ACAP1: variants seen among roughly 807,000 people sequenced by gnomAD.
ACAP1 encodes the protein arf-GAP with coiled-coil, ANK repeat and PH domain-containing protein 1.
A neutral mutation model predicts 98.8 loss-of-function variants in ACAP1; 45 were observed. The ratio of observed to expected loss-of-function variants is 0.46; its 90% CI spans 0.36 to 0.58. The LOEUF (loss-of-function observed/expected upper bound fraction) is 0.58, where lower values mean the gene tolerates loss of function less well. Ranked by LOEUF, ACAP1 falls within the 20% of genes least tolerant of loss-of-function variation. ACAP1 has a pLI of 0.00. For missense variants in ACAP1, 735 were observed against 971.4 expected (o/e 0.76, Z 3.24); for synonymous variants, 362 against 375.3 (o/e 0.96, Z 0.41).
intron 2 of ACAP1, among the ~76,000 whole-genome samples, chr17:7,340,493 A>G (rs955265188): frequency 6.6e-6 from 1 of 152,208 alleles, no homozygotes; most frequent in Admixed American, 6.5e-5. Context: ...TCACACAGTG[A>G]TTTGTGAACA....
In ACAP1 at chr17:7,343,270, TC is replaced by T; in HGVS notation, c.345-106del. ...TCCGTCCCAGGGATCACCTTGGGTT[TC>T]CCACGTTGCAGAGACTAACTGAAAG... is the stretch of plus-strand genomic sequence containing the variant. On this transcript the variant is annotated intron_variant, in intron 5 of 21. Coordinates refer to ENST00000158762, the MANE Select transcript of ACAP1 (RefSeq NM_014716.4). This position sits in a 1 kb window ranked among gnomAD's most constrained non-coding sequence, Gnocchi z 4.9. The T allele has an allele frequency of 8.4e-7, 1 of 1,197,546 alleles. No individual in the cohort carries two copies. The highest frequency in any genetic ancestry group is 1.6e-5 in the South Asian group (1 of 64,314). 74.2% of individuals were successfully genotyped at this position (1,197,546 alleles called of 1,614,324 possible).
intron 21 of ACAP1, 32 bp downstream of exon 21, chr17:7,351,031 C>G (rs1477374788): frequency 6.2e-7 from 1 of 1,607,966 alleles, no homozygotes. Flanking sequence ...CCCCCCAGGC[C>G]CAACACCTGA....
Position 7,350,492 on chromosome 17 carries a change from C to T in ACAP1, c.2072+255C>T. On this transcript the variant is annotated intron_variant, in intron 20 of 21. Coordinates refer to ENST00000158762, the MANE Select transcript of ACAP1 (RefSeq NM_014716.4). This position sits in a 1 kb window ranked among gnomAD's most constrained non-coding sequence, Gnocchi z 4.6. ...GCCCACCCTGAGAGGCGTAATTCGC[C>T]CATCAACATTGCTGTCAGGCATCTT... 1 of 557,470 alleles carries T rather than the reference C, an allele frequency of 1.8e-6. No individual in the cohort carries two copies. Among genetic ancestry groups the T allele is most frequent in the South Asian group, 2.2e-5 (1 of 44,842 alleles). 34.5% of individuals were successfully genotyped at this position (557,470 alleles called of 1,614,324 possible).
At position 7,336,828 on chromosome 17, in the gene ACAP1, C is replaced by G. The variant is rs2073224742; in HGVS notation, c.53+41C>G. On this transcript the variant is annotated intron_variant, in intron 1 of 21. Transcript: ENST00000158762. ...TCTGGGGGGCTAAGGAGGGGAAAGT[C>G]TAACACCCCCAGCACACACACACCT... The G allele has an allele frequency of 1.9e-6, 3 of 1,600,160 alleles. No individual in the cohort carries two copies. The South Asian group carries it at 3.3e-5, about 18-fold the overall frequency.
Position 7,350,293 on chromosome 17 carries a change from C to T in ACAP1, c.2072+56C>T. On this transcript the variant is annotated intron_variant, in intron 20 of 21. Transcript: ENST00000158762. The surrounding 1 kb of genome is among the most constrained non-coding windows in gnomAD (Gnocchi z 4.6). The stretch of plus-strand genomic sequence containing the variant: ...CTGGGACTCCCCCCACCCCCGCCCA[C>T]CCACGTTCGGGCGGGCGGGCGGGGC... 2.7e-6 allele frequency: 4 copies of T among 1,476,306 alleles called. No individual in the cohort carries two copies. The Admixed American group carries it at 5.5e-5, about 20-fold the overall frequency. The allele number at this position is 1,476,306 out of a possible 1,614,324, so 91.5% of individuals were successfully genotyped here.
rs567498727 is a variant in ACAP1 at position 7,339,384 on chromosome 17, G to T, written c.111+2015G>T. Among the ~76,000 whole-genome samples, 147 of 152,262 alleles carry T rather than the reference G, an allele frequency of 9.7e-4. 2 individuals are homozygous for T. The highest frequency in any genetic ancestry group is 3.3e-3 in the African/African-American group (139 of 41,568). On this transcript the variant is annotated intron_variant, in intron 2 of 21. Coordinates refer to ENST00000158762, the MANE Select transcript of ACAP1 (RefSeq NM_014716.4). The stretch of plus-strand genomic sequence containing the variant: ...CCAGCACTTTGGTAGGCTGCGGCAG[G>T]TGGATCACGAGGTCAGGACTTCGAG...
chr17:7,342,462 C>A lies in ACAP1; in HGVS notation c.332C>A (p.Thr111Asn). The change falls in exon 5 of 22, where the codon ACC becomes AAC. Residue 111 changes from threonine (T) to asparagine (N), a missense_variant. By Grantham distance (65) the Thr-to-Asn change is moderately conservative. Around this residue, in one of 5 missense-constraint regions of ACAP1, gnomAD observed 430 missense variants for 531.8 expected, o/e 0.81. Transcript: ENST00000158762. ...CACACACTGCAGCAGCAGATCCAGA[C>A]CCTGGTCAAGGAGTGAGATGGGGCC... Reference protein sequence around the residue: ...TQHTLQQQIQTLVKEGLRGFR... With the variant: ...TQHTLQQQIQNLVKEGLRGFR... 6.2e-7 allele frequency: 1 copy of A among 1,614,144 alleles called. No homozygotes were observed.
rs997518977 is a variant in ACAP1 at position 7,346,490 on chromosome 17, A to C, written c.1006A>C (p.Lys336Gln). The C allele has an allele frequency of 2.5e-6, 4 of 1,602,874 alleles. No homozygotes were observed. Among genetic ancestry groups the C allele is most frequent in the Non-Finnish European group, 3.4e-6 (4 of 1,174,676 alleles). ...RFCFEVVSTS[K>Q]SCLLQADSER... ...CTGCTTTGAGGTGGTGTCCACCAGCAAGTGAGTGCAATCCCCAGGGGTGAT... is the reference window on the plus strand; with the variant it reads ...CTGCTTTGAGGTGGTGTCCACCAGCCAGTGAGTGCAATCCCCAGGGGTGAT... Residue 336 changes from lysine to glutamine, a missense_variant and splice_region_variant, in exon 12 of 22, where the codon AAG (lysine) becomes CAG (glutamine). This residue lies in a region of ACAP1 where 430 missense variants were observed against 531.8 expected (regional missense o/e 0.81). Transcript: ENST00000158762.
chr17:7,336,927 C>A (rs1021003266), intron 1 of ACAP1, 140 bp downstream of exon 1: 11 of 869,500 alleles, frequency 1.3e-5, no homozygotes, highest in East Asian at 2.6e-5. Flanking sequence ...CAAAGTGGTA[C>A]CCCAGCTGTG....
At position 7,350,538 on chromosome 17, in the gene ACAP1, CG is replaced by C; in HGVS notation, c.2072+306del. ...ATCTTTTTAGCACTAGACGTGACCC[CG>C]GGGGTGGGGGCAGATGAACGGAACG... On this transcript the variant is annotated intron_variant, in intron 20 of 21. Coordinates refer to ENST00000158762, the MANE Select transcript of ACAP1 (RefSeq NM_014716.4). This position sits in a 1 kb window ranked among gnomAD's most constrained non-coding sequence, Gnocchi z 4.6. 3 of 470,584 alleles carry C rather than the reference CG, an allele frequency of 6.4e-6. No homozygotes were observed. The highest frequency in any genetic ancestry group is 7.6e-6 in the Non-Finnish European group (2 of 262,616). The allele number at this position is 470,584 out of a possible 1,614,324, so 29.2% of individuals were successfully genotyped here. A position where few individuals can be genotyped will look rare whatever the true frequency, so the allele number is the denominator to read the frequency against.
Position 7,336,694 on chromosome 17 carries a change from C to T in ACAP1, c.-41C>T, listed in dbSNP as rs199879337. On this transcript the variant is annotated 5_prime_UTR_variant, in exon 1 of 22. Transcript: ENST00000158762. ...GCCTCCACCTGCATCCCCAGGGGCC[C>T]GGCCTCCAGGGCCCGCTGGCCCCAC... is the stretch of plus-strand genomic sequence containing the variant. 47 of 1,612,088 alleles carry T rather than the reference C, an allele frequency of 2.9e-5. No homozygotes were observed. The highest frequency in any genetic ancestry group is 5.0e-5 in the Admixed American group (3 of 59,990).
Position 7,348,309 on chromosome 17 carries a change from G to A in ACAP1, c.1512G>A (p.Gln504=), listed in dbSNP as rs780908470. 18 of 1,586,362 alleles carry A rather than the reference G, an allele frequency of 1.1e-5. No homozygotes were observed. Among genetic ancestry groups the A allele is most frequent in the Non-Finnish European group, 1.4e-5 (16 of 1,165,456 alleles). Residue 504 remains glutamine, a synonymous_variant, in exon 17 of 22, where the codon CAG becomes CAA. Transcript: ENST00000158762. ...GCGTGCTTCTCCCCTCCCACAGGCA[G>A]GAGAAGGAGGCCTGGATTCACGCTA... ...VKKPGPSCSR[Q]EKEAWIHAKY...
At chr17:7,337,451 T>C (rs1597646441) in intron 2 of ACAP1, 82 bp downstream of exon 2, 1 of 1,260,286 alleles carries the variant, frequency 7.9e-7, no homozygotes, top group Non-Finnish European at 1.2e-6. Context: ...AGACACAGAA[T>C]GCATCCCAGG....
Position 7,348,399 on chromosome 17 carries a change from G to T in ACAP1, c.1602G>T (p.Gly534=). 1 of 1,551,076 alleles carries T rather than the reference G, an allele frequency of 6.4e-7. No homozygotes were observed. The highest frequency in any genetic ancestry group is 8.7e-7 in the Non-Finnish European group (1 of 1,148,802). ...PEIRGRRGGR[G]RPRGQPPVPP... is the part of the protein sequence containing the mutation. ...TTCGAGGGCGAAGAGGTGGCCGGGG[G>T]CGCCCAAGGGGGCAGCCTCCTGTGC... Residue 534 remains glycine (G), a synonymous_variant, in exon 17 of 22, where the codon GGG becomes GGT. Transcript: ENST00000158762.
In ACAP1 at chr17:7,342,380, T is replaced by G. The variant is rs377473814; in HGVS notation, c.286-36T>G. On this transcript the variant is annotated intron_variant, in intron 4 of 21. Transcript: ENST00000158762. ...GGGGTGGTGGCCAGGTCACCTGTGG[T>G]CCTGACCCCAGTCTACCAACTTCTC... is the stretch of plus-strand genomic sequence containing the variant. 1.5e-5 allele frequency: 24 copies of G among 1,613,718 alleles called. No homozygotes were observed. The African/African-American group carries it at 1.9e-4, about 13-fold the overall frequency.
At chr17:7,349,406 C>T (rs1015582563) in intron 18 of ACAP1, 26 of 456,254 alleles carry the variant, frequency 5.7e-5, no homozygotes, top group Non-Finnish European at 9.3e-5. Context: ...GAGACAGTCT[C>T]GCTCTGTCCC....
chr17:7,351,386 C>T lies in ACAP1; in HGVS notation c.2214C>T (p.His738=). 1 of 1,612,342 alleles carries T rather than the reference C, an allele frequency of 6.2e-7. No homozygotes were observed. Among genetic ancestry groups the T allele is most frequent in the Non-Finnish European group, 8.5e-7 (1 of 1,179,154 alleles). The part of the protein sequence containing the change: ...EKLSRRSHDL[H]TL ...TGAGCCGTCGCAGTCATGACCTCCA[C>T]ACGCTGTGACCCGAGGCCCACGGGG... The change falls in exon 22 of 22, where the codon CAC becomes CAT. Residue 738 remains histidine, a synonymous_variant. Transcript: ENST00000158762.
chr17:7,344,485 A>G lies in ACAP1; in HGVS notation c.745-54A>G, dbSNP rs949343849. 3.7e-5 allele frequency: 49 copies of G among 1,322,580 alleles called. No individual in the cohort carries two copies. The highest frequency in any genetic ancestry group is 4.9e-5 in the Non-Finnish European group (46 of 942,090). 81.9% of individuals were successfully genotyped at this position (1,322,580 alleles called of 1,614,324 possible). On this transcript the variant is annotated intron_variant, in intron 9 of 21. Coordinates refer to ENST00000158762, the MANE Select transcript of ACAP1 (RefSeq NM_014716.4). This position sits in a 1 kb window ranked among gnomAD's most constrained non-coding sequence, Gnocchi z 4.9. ...GGCTGTGGGCAGGAGGCAGATGCCT[A>G]TGGCCTTGGTGTCTGCCCATCTCAG...
intron 17 of ACAP1, 98 bp downstream of exon 17, chr17:7,348,573 G>A (rs905820040): frequency 8.4e-6 from 11 of 1,316,582 alleles, no homozygotes; most frequent in East Asian, 2.6e-5. Context: ...CAGGCCTTCC[G>A]CTGGACAATG....
Sources: gnomAD v4.1 joint callset for allele counts (sites outside exome capture counted in the v4.1 genomes callset) on GRCh38, gnomAD v4.1.1 for gene constraint, gnomAD v4.1.1 regional missense constraint, Gnocchi (gnomAD v3.1) non-coding constraint, MANE v1.5 for transcripts, NCBI Gene and HGNC (gene_info 2026-07-23, HGNC 2026-07-21) for gene names.